The following SCAPER variants were observed in gnomAD, a reference collection of about 807,000 sequenced individuals.
SCAPER encodes the protein S-phase cyclin A associated protein in the ER, also known as S phase cyclin A-associated protein in the endoplasmic reticulum.
Under a neutral mutation model 182.2 loss-of-function variants are expected in SCAPER, and 98 were observed. The observed-to-expected ratio is 0.54, with a 90% CI of 0.46 to 0.64. The LOEUF (loss-of-function observed/expected upper bound fraction) is 0.64. SCAPER is among the 30% of genes least tolerant of loss of function. SCAPER has a pLI of 0.00. For missense variants in SCAPER, 1,432 were observed against 1,690.0 expected (o/e 0.85, Z 2.68); for synonymous variants, 605 against 564.6 (o/e 1.07, Z -1.01).
intron 20 of SCAPER, among the ~76,000 whole-genome samples, chr15:76,691,454 T>C (rs1427472066): frequency 6.6e-6 from 1 of 152,062 alleles, no homozygotes. Context: ...CGGTTATTTT[T>C]GAACTGAACA....
chr15:76,372,638 C>T (rs997168648), intron 29 of SCAPER, among the ~76,000 whole-genome samples: 9 of 152,140 alleles, frequency 5.9e-5, no homozygotes, highest in Non-Finnish European at 1.2e-4. Context: ...GCACCAAAAG[C>T]GCTGAACTTT....
chr15:76,795,546 T>A, intron 7 of SCAPER, 106 bp from the exon 8 acceptor site: 2 of 778,550 alleles, frequency 2.6e-6, no homozygotes, highest in Admixed American at 3.7e-5. Flanking sequence ...AATATCCACA[T>A]ATATAGAATA....
chr15:76,535,948 A>G (rs284884), intron 23 of SCAPER, among the ~76,000 whole-genome samples: 15,131 of 152,214 alleles, frequency 0.099, 881 homozygotes, highest in African/African-American at 0.16. Flanking sequence ...AGTTGACTTA[A>G]TAACTGTTCA....
At chr15:76,871,123 A>C (rs1045821924) in intron 2 of SCAPER, among the ~76,000 whole-genome samples, 5 of 152,180 alleles carry the variant, frequency 3.3e-5, no homozygotes, top group African/African-American at 1.2e-4. Context: ...AAAAACTAAT[A>C]AAAGGGACAG....
At position 76,494,510 on chromosome 15, in the gene SCAPER, C is replaced by T. The variant is rs184385318; in HGVS notation, c.2954+10349G>A. On this transcript the variant is annotated intron_variant, in intron 24 of 31. Transcript: ENST00000563290. Reference sequence around the variant, plus strand: ...TCGACTAAACAATATTTCAGTCTTCCAGCAACTCACAGTTTTTTTATATCA... The same window carrying T: ...TCGACTAAACAATATTTCAGTCTTCTAGCAACTCACAGTTTTTTTATATCA... 2.7e-3 allele frequency among the ~76,000 whole-genome samples: 417 copies of T among 152,218 alleles called. 1 individual carries two copies. Among genetic ancestry groups the T allele is most frequent in the African/African-American group, 9.7e-3 (403 of 41,526 alleles).
chr15:76,688,621 A>T (rs551450118), intron 20 of SCAPER, among the ~76,000 whole-genome samples: 18 of 152,176 alleles, frequency 1.2e-4, no homozygotes, highest in African/African-American at 4.3e-4. Flanking sequence ...AGGTGTAAGG[A>T]AAGGGTGCAC....
intron 15 of SCAPER, among the ~76,000 whole-genome samples, chr15:76,744,485 T>C (rs1456769863): frequency 2.6e-5 from 4 of 152,030 alleles, no homozygotes; most frequent in African/African-American, 7.2e-5. Flanking sequence ...AAGACATGAA[T>C]TGACATTTCT....
intron 25 of SCAPER, among the ~76,000 whole-genome samples, chr15:76,445,234 T>C (rs2047913884): frequency 1.3e-5 from 2 of 152,232 alleles, no homozygotes; most frequent in African/African-American, 4.8e-5. Flanking sequence ...TTCTATTTCT[T>C]TGCCGAGACT....
chr15:76,558,816 T>C (rs745744369), intron 23 of SCAPER, among the ~76,000 whole-genome samples: 1 of 152,100 alleles, frequency 6.6e-6, no homozygotes, highest in Middle Eastern at 3.4e-3. Flanking sequence ...GTGATATATA[T>C]ACACACATAC....
chr15:76,370,788 T>C (rs2042113628), intron 29 of SCAPER, among the ~76,000 whole-genome samples: 1 of 152,204 alleles, frequency 6.6e-6, no homozygotes, highest in Admixed American at 6.5e-5. Flanking sequence ...TTCTATCTGC[T>C]AAATTGTGGA....
chr15:76,446,837 T>C lies in SCAPER; in HGVS notation c.3079-12527A>G, dbSNP rs1002983509. Reference sequence around the variant, plus strand: ...ATGGTTCAACTTATGATTTTTTGACTTTATCATGGTGTGAAAGAGATACGC... The same window carrying C: ...ATGGTTCAACTTATGATTTTTTGACCTTATCATGGTGTGAAAGAGATACGC... On this transcript the variant is annotated intron_variant, in intron 25 of 31. Transcript: ENST00000563290. Among the ~76,000 whole-genome samples the C allele has an allele frequency of 1.2e-4, 18 of 152,316 alleles. 1 individual carries two copies. The highest frequency in any genetic ancestry group is 3.9e-4 in the African/African-American group (16 of 41,552).
At chr15:76,758,470 T>C (rs1449549440) in intron 14 of SCAPER, among the ~76,000 whole-genome samples, 1 of 152,168 alleles carries the variant, frequency 6.6e-6, no homozygotes, top group African/African-American at 2.4e-5. Context: ...TAGTGCCAAA[T>C]TGTTTTGATT....
Position 76,603,252 on chromosome 15 carries a change from T to G in SCAPER, c.2711+18512A>C, listed in dbSNP as rs2050064994. Among the ~76,000 whole-genome samples the G allele has an allele frequency of 2.5e-5, 3 of 119,428 alleles. 1 individual carries two copies. The highest frequency in any genetic ancestry group is 4.0e-5 in the Non-Finnish European group (2 of 49,432). 78.3% of individuals were successfully genotyped at this position (119,428 alleles called of 152,430 possible). ...TTCCTGTGTCCATGTGTTCTCATTG[T>G]TCAATTCCCACCTATGAGCGAGAAC... On this transcript the variant is annotated intron_variant, in intron 22 of 31. Transcript: ENST00000563290.
At chr15:76,464,759 G>A (rs935290515) in intron 25 of SCAPER, among the ~76,000 whole-genome samples, 4 of 152,082 alleles carry the variant, frequency 2.6e-5, no homozygotes, top group Non-Finnish European at 5.9e-5. Context: ...TTTTGAATAC[G>A]TACCCAGAAG....
chr15:76,807,364 T>C (rs2066243025), intron 5 of SCAPER, among the ~76,000 whole-genome samples: 1 of 152,214 alleles, frequency 6.6e-6, no homozygotes, highest in South Asian at 2.1e-4. Flanking sequence ...GATTTTCATA[T>C]GCTCAACCAC....
chr15:76,685,474 T>G (rs1325625431), intron 20 of SCAPER, among the ~76,000 whole-genome samples: 1 of 152,114 alleles, frequency 6.6e-6, no homozygotes, highest in Non-Finnish European at 1.5e-5. Flanking sequence ...GAGCTTGATA[T>G]GCAAAATCAC....
chr15:76,579,662 A>G (rs2048126125), intron 22 of SCAPER, among the ~76,000 whole-genome samples: 1 of 152,164 alleles, frequency 6.6e-6, no homozygotes, highest in South Asian at 2.1e-4. Flanking sequence ...CAAATAACAA[A>G]TAAGTCCTTA....
At chr15:76,422,867 G>A (rs1103056) in intron 26 of SCAPER, among the ~76,000 whole-genome samples, 15,876 of 152,030 alleles carry the variant, frequency 0.1, 991 homozygotes, top group African/African-American at 0.18. Flanking sequence ...TTCTGCATCT[G>A]TTGAGATAAT....
In SCAPER at chr15:76,574,147, T is replaced by C. The variant is rs1459309913; in HGVS notation, c.2838+11A>G. The C allele has an allele frequency of 6.3e-7, 1 of 1,594,170 alleles. No homozygotes were observed. The highest frequency in any genetic ancestry group is 1.3e-5 in the African/African-American group (1 of 74,834). ...AGATTAAGGTTCAAAAGCCAGATATTAGTTACACACCTCTTTTTCCAGTAT... is the reference window on the plus strand; with the variant it reads ...AGATTAAGGTTCAAAAGCCAGATATCAGTTACACACCTCTTTTTCCAGTAT... On this transcript the variant is annotated intron_variant, in intron 23 of 31. Transcript: ENST00000563290.
Sources: allele counts gnomAD v4.1 joint callset (sites outside exome capture counted in the v4.1 genomes callset), GRCh38; gene constraint gnomAD v4.1.1; transcripts MANE v1.5; gene names NCBI Gene and HGNC (gene_info 2026-07-23, HGNC 2026-07-21).